Variants in GPC5 observed in about 807,000 individuals in gnomAD.
The protein encoded by GPC5 is glypican 5.
In GPC5, 47 loss-of-function variants were observed where a neutral mutation model predicts 53.9. That is an observed-to-expected ratio of 0.87 (90% CI 0.69 to 1.11). The LOEUF is 1.11. Among genes scored for constraint, GPC5 ranks in the 50% most tolerant of loss-of-function variants. The pLI, the probability that GPC5 is intolerant of heterozygous loss-of-function variation, is 0.00. For synonymous variants in GPC5, 286 were observed against 263.3 expected, an observed-to-expected ratio of 1.09 and a Z score of -0.84; for missense variants, 748 against 713.1, an observed-to-expected ratio of 1.05 and a Z score of -0.56.
intron 6 of GPC5, among the ~76,000 whole-genome samples, chr13:92,112,530 T>G (rs982752616): frequency 2.0e-5 from 3 of 152,136 alleles, no homozygotes; most frequent in Admixed American, 1.3e-4. Context: ...CTCATCGAAT[T>G]TGAATATTGC....
chr13:91,512,613 A>T (rs1304113402), intron 2 of GPC5, among the ~76,000 whole-genome samples: 2 of 152,200 alleles, frequency 1.3e-5, no homozygotes, highest in Non-Finnish European at 2.9e-5. Context: ...TTTGGTGTAT[A>T]GGCCCTTAAC....
intron 7 of GPC5, among the ~76,000 whole-genome samples, chr13:92,258,601 A>G (rs2042743500): frequency 6.6e-6 from 1 of 152,188 alleles, no homozygotes. Flanking sequence ...AGCTCTAAAT[A>G]TATGACATTG....
At chr13:92,836,553 G>A (rs961938649) in intron 7 of GPC5, among the ~76,000 whole-genome samples, 1 of 152,090 alleles carries the variant, frequency 6.6e-6, no homozygotes, top group African/African-American at 2.4e-5. Flanking sequence ...TGGTTATACA[G>A]TATGCTCAGA....
intron 5 of GPC5, among the ~76,000 whole-genome samples, chr13:91,850,828 G>C (rs1045572980): frequency 2.6e-5 from 4 of 151,970 alleles, no homozygotes; most frequent in Non-Finnish European, 4.4e-5. Flanking sequence ...AGGTTGTTTT[G>C]TGTTATTTGC....
chr13:92,109,942 C>A (rs778480281), intron 6 of GPC5, among the ~76,000 whole-genome samples: 2 of 151,786 alleles, frequency 1.3e-5, no homozygotes, highest in Non-Finnish European at 2.9e-5. Context: ...AAGAAACTTA[C>A]AAAACAGTGG....
intron 5 of GPC5, among the ~76,000 whole-genome samples, chr13:91,824,601 T>C (rs925657914): frequency 1.3e-5 from 2 of 152,068 alleles, no homozygotes; most frequent in African/African-American, 4.8e-5. Flanking sequence ...AGTTATTTAC[T>C]TTAAAAAATG....
At chr13:92,380,029 C>T (rs1401576351) in intron 7 of GPC5, among the ~76,000 whole-genome samples, 1 of 152,188 alleles carries the variant, frequency 6.6e-6, no homozygotes, top group Non-Finnish European at 1.5e-5. Flanking sequence ...TGGTAAAAAC[C>T]ACAATTACTT....
At chr13:92,122,762 T>TC (rs2041661095) in intron 6 of GPC5, among the ~76,000 whole-genome samples, 1 of 148,916 alleles carries the variant, frequency 6.7e-6, no homozygotes, top group Non-Finnish European at 1.5e-5. Flanking sequence ...TTTTTTTTTT[T>TC]TTTTTAACAT....
chr13:91,965,148 G>A (rs2040168833), intron 6 of GPC5, among the ~76,000 whole-genome samples: 1 of 151,252 alleles, frequency 6.6e-6, no homozygotes, highest in Non-Finnish European at 1.5e-5. Context: ...GGAGTTAATG[G>A]GTGCAGCACA....
chr13:92,082,563 T>C (rs1372647159), intron 6 of GPC5, among the ~76,000 whole-genome samples: 1 of 152,198 alleles, frequency 6.6e-6, no homozygotes, highest in Non-Finnish European at 1.5e-5. Flanking sequence ...AGAAAATTCC[T>C]TAGCAAAAAA....
In GPC5 at chr13:92,762,230, G is replaced by T. The variant is rs114929940; in HGVS notation, c.1562-104052G>T. On this transcript the variant is annotated intron_variant, in intron 7 of 7. Transcript: ENST00000377067. ...AATGACAGTGACAATAAGTGATTAA[G>T]AAATACATAATATAAAATATGTAAA... Among the ~76,000 whole-genome samples the T allele has an allele frequency of 6.4e-3, 977 of 152,116 alleles. 10 individuals carry two copies. The highest frequency in any genetic ancestry group is 0.023 in the African/African-American group (935 of 41,522).
At chr13:92,308,750 A>C (rs2043127336) in intron 7 of GPC5, among the ~76,000 whole-genome samples, 1 of 152,062 alleles carries the variant, frequency 6.6e-6, no homozygotes, top group Non-Finnish European at 1.5e-5. Flanking sequence ...ACTCGATAGG[A>C]GCTTCTGATA....
chr13:91,466,572 A>G (rs1322944933), intron 2 of GPC5, among the ~76,000 whole-genome samples: 2 of 152,114 alleles, frequency 1.3e-5, no homozygotes, highest in South Asian at 2.1e-4. Flanking sequence ...CTGACCAGGA[A>G]TGATCAGGGT....
chr13:91,727,438 T>A (rs2036599308), intron 3 of GPC5, among the ~76,000 whole-genome samples: 1 of 152,222 alleles, frequency 6.6e-6, no homozygotes, highest in African/African-American at 2.4e-5. Flanking sequence ...ATTCCTTTAT[T>A]TCTTCCCTCT....
intron 7 of GPC5, among the ~76,000 whole-genome samples, chr13:92,817,318 C>T (rs1230958702): frequency 1.3e-5 from 2 of 151,950 alleles, no homozygotes; most frequent in South Asian, 2.1e-4. Context: ...TATAAATCTA[C>T]AATTCCAATT....
intron 7 of GPC5, among the ~76,000 whole-genome samples, chr13:92,245,383 G>A (rs1926618): frequency 0.57 from 86,446 of 151,760 alleles, 24,880 homozygotes; most frequent in South Asian, 0.69. Flanking sequence ...TCCCCACTTG[G>A]AATTTTTACT....
intron 7 of GPC5, among the ~76,000 whole-genome samples, chr13:92,292,040 A>T (rs2043000437): frequency 6.6e-6 from 1 of 152,192 alleles, no homozygotes; most frequent in Admixed American, 6.5e-5. Context: ...AGAACCCACC[A>T]ATTCCGGACA....
intron 7 of GPC5, among the ~76,000 whole-genome samples, chr13:92,861,975 T>C (rs767494295): frequency 6.6e-6 from 1 of 152,184 alleles, no homozygotes; most frequent in Non-Finnish European, 1.5e-5. Flanking sequence ...AATGCTCTCA[T>C]TTGAAAGTTC....
chr13:91,971,283 G>T (rs546849146), intron 6 of GPC5, among the ~76,000 whole-genome samples: 2 of 152,108 alleles, frequency 1.3e-5, no homozygotes, highest in East Asian at 1.9e-4. Flanking sequence ...TCTGATGGTC[G>T]TTTGTATTTC....
Sources: allele counts gnomAD v4.1 joint callset (sites outside exome capture counted in the v4.1 genomes callset), GRCh38; gene constraint gnomAD v4.1.1; transcripts MANE v1.5; gene names NCBI Gene and HGNC (gene_info 2026-07-23, HGNC 2026-07-21).